Variants in PCDHGB3 observed in about 807,000 individuals in gnomAD.
PCDHGB3 encodes the protein protocadherin gamma-B3.
PCDHGB3 carries 40 observed loss-of-function variants against 59.2 expected under a neutral mutation model. The ratio of observed to expected loss-of-function variants is 0.68; its 90% CI spans 0.52 to 0.88. The LOEUF is 0.88. PCDHGB3 is among the 40% of genes least tolerant of loss of function. The pLI, the probability that PCDHGB3 is intolerant of heterozygous loss-of-function variation, is 0.00. For missense variants in PCDHGB3, 1,309 were observed against 1,187.9 expected (o/e 1.10, Z -1.50); for synonymous variants, 581 against 503.6 (o/e 1.15, Z -2.06).
In PCDHGB3 at chr5:141,486,172, T is replaced by C; in HGVS notation, c.2416-8635T>C. ...GGGGTTCTCCAGCCATGGAGCAACA[T>C]TGCAGCCTTCGAGTGGATCTGCTGG... On this transcript the variant is annotated intron_variant, in intron 1 of 3. Transcript: ENST00000576222. The surrounding 1 kb of genome is among the most constrained non-coding windows in gnomAD (Gnocchi z 5.0). 3 of 1,614,212 alleles carry C rather than the reference T, an allele frequency of 1.9e-6. No homozygotes were observed. Among genetic ancestry groups the C allele is most frequent in the Admixed American group, 1.7e-5 (1 of 60,036 alleles).
intron 1 of PCDHGB3, among the ~76,000 whole-genome samples, chr5:141,382,034 G>A (rs574726397): frequency 6.6e-5 from 10 of 151,712 alleles, no homozygotes; most frequent in African/African-American, 2.4e-4. Flanking sequence ...TCTCCATGTT[G>A]GTCAGGCTGG....
At position 141,371,806 on chromosome 5, in the gene PCDHGB3, T is replaced by A. The variant is rs773656836; in HGVS notation, c.1412T>A (p.Ile471Asn). The A allele has an allele frequency of 6.2e-7, 1 of 1,613,888 alleles. No individual in the cohort carries two copies. Among genetic ancestry groups the A allele is most frequent in the South Asian group, 1.1e-5 (1 of 91,086 alleles). Residue 471 changes from isoleucine to asparagine, a missense_variant, in exon 1 of 4, where the codon ATT (isoleucine) becomes AAT (asparagine). Transcript: ENST00000576222. ...GAGAACAATCCGCCTGGAGCCTCCA[T>A]TGCGCATGTCAGAGCCTCGGATCCC... ...VAENNPPGAS[I>N]AHVRASDPDL...
rs771858105 is a variant in PCDHGB3 at position 141,428,074 on chromosome 5, G to A, written c.2415+55265G>A. 4.4e-6 allele frequency: 7 copies of A among 1,609,112 alleles called. No homozygotes were observed. The African/African-American group carries it at 5.3e-5, about 12-fold the overall frequency. On this transcript the variant is annotated intron_variant, in intron 1 of 3. Transcript: ENST00000576222. The stretch of plus-strand genomic sequence containing the variant: ...GTGGTGGCGGTGGACGCAGATTCGG[G>A]ACACAACGCTTGGCTGTCCTACCAC...
intron 1 of PCDHGB3, chr5:141,410,343 G>A (rs890241182): frequency 6.2e-7 from 1 of 1,613,964 alleles, no homozygotes; most frequent in Non-Finnish European, 8.5e-7. Flanking sequence ...ATTGCCTTGC[G>A]CCTGCGACGC....
chr5:141,422,197 G>C, intron 1 of PCDHGB3: 1 of 1,562,284 alleles, frequency 6.4e-7, no homozygotes, highest in Non-Finnish European at 8.6e-7. Flanking sequence ...TCAAGGCCAA[G>C]ATGGTGGAGG....
chr5:141,385,097 C>T (rs1296944219), intron 1 of PCDHGB3: 3 of 1,614,192 alleles, frequency 1.9e-6, no homozygotes, highest in East Asian at 2.2e-5. Context: ...GGTGGCTTGG[C>T]GAACGTGCCC....
chr5:141,381,890 T>C (rs1471901059), intron 1 of PCDHGB3, among the ~76,000 whole-genome samples: 1 of 139,844 alleles, frequency 7.2e-6, no homozygotes, highest in African/African-American at 2.7e-5. Context: ...AGTGCAATGG[T>C]GTGATCTCGG....
At chr5:141,423,006 T>G (rs746057587) in intron 1 of PCDHGB3, 12 of 1,614,078 alleles carry the variant, frequency 7.4e-6, no homozygotes, top group African/African-American at 1.3e-5. Context: ...CCAAGGTGGT[T>G]GCGGTGGACA....
chr5:141,391,681 T>TC (rs2092407596), intron 1 of PCDHGB3: 4 of 152,210 alleles, frequency 2.6e-5, no homozygotes, highest in Admixed American at 2.6e-4. Context: ...TGAAATAAGT[T>TC]CATCTGCTAC....
intron 2 of PCDHGB3, among the ~76,000 whole-genome samples, chr5:141,499,317 A>G (rs532848559): frequency 7.9e-5 from 12 of 152,354 alleles, no homozygotes; most frequent in Admixed American, 1.3e-4. Context: ...GAGAGACAGT[A>G]TCCCTGCTCT....
intron 1 of PCDHGB3, chr5:141,415,772 T>TA (rs763083459): frequency 1.1e-5 from 15 of 1,332,970 alleles, no homozygotes; most frequent in Non-Finnish European, 1.3e-5. Flanking sequence ...TTTTTTTTTT[T>TA]ACTTTCTGGT....
chr5:141,384,255 C>A (rs1434476229), intron 1 of PCDHGB3: 1 of 1,613,746 alleles, frequency 6.2e-7, no homozygotes, highest in African/African-American at 1.3e-5. Flanking sequence ...CACCCACCTT[C>A]CCCCACTCAT....
intron 1 of PCDHGB3, among the ~76,000 whole-genome samples, chr5:141,407,274 A>G (rs763803896): frequency 2.0e-5 from 3 of 152,232 alleles, no homozygotes; most frequent in Non-Finnish European, 2.9e-5. Context: ...GCAACAAGAA[A>G]ATTGTTACAA....
chr5:141,384,704 C>T (rs1191674511), intron 1 of PCDHGB3: 2 of 1,614,004 alleles, frequency 1.2e-6, no homozygotes, highest in African/African-American at 2.7e-5. Flanking sequence ...GGCCAGAACG[C>T]CTGGCTGTCA....
Position 141,511,267 on chromosome 5 carries a change from C to T in PCDHGB3, c.*94C>T, listed in dbSNP as rs1223074819. 1.3e-6 allele frequency: 2 copies of T among 1,549,404 alleles called. No homozygotes were observed. Among genetic ancestry groups the T allele is most frequent in the Non-Finnish European group, 1.7e-6 (2 of 1,146,836 alleles). On this transcript the variant is annotated 3_prime_UTR_variant, in exon 4 of 4. Transcript: ENST00000576222. ...CCAGGCCTCAGAGTTTCAGGGCTAA[C>T]CCCCAGAATACTGGTAGGGGCCAAG...
chr5:141,437,693 C>G (rs1305650032), intron 1 of PCDHGB3, among the ~76,000 whole-genome samples: 1 of 151,638 alleles, frequency 6.6e-6, no homozygotes, highest in African/African-American at 2.4e-5. Context: ...GAGGCTAAAT[C>G]TCAAGAAAGA....
At chr5:141,394,871 T>A in intron 1 of PCDHGB3, 1 of 1,613,814 alleles carries the variant, frequency 6.2e-7, no homozygotes, top group Non-Finnish European at 8.5e-7. Flanking sequence ...ACCCGAACGA[T>A]TCGAGCCTTA....
chr5:141,476,455 G>C lies in PCDHGB3; in HGVS notation c.2416-18352G>C, dbSNP rs572682842. On this transcript the variant is annotated intron_variant, in intron 1 of 3. Transcript: ENST00000576222. The surrounding 1 kb of genome is among the most constrained non-coding windows in gnomAD (Gnocchi z 7.6). ...CTGTAACTCTGGAGTTGGTAGTGGA[G>C]AACCCGCTGGAGCTGTTCAGCGTGG... 22 of 1,614,152 alleles carry C rather than the reference G, an allele frequency of 1.4e-5. No homozygotes were observed. In the South Asian group the frequency reaches 2.4e-4, roughly 18 times the overall value.
At chr5:141,451,673 G>A (rs912482749) in intron 1 of PCDHGB3, among the ~76,000 whole-genome samples, 4 of 152,164 alleles carry the variant, frequency 2.6e-5, no homozygotes, top group African/African-American at 7.2e-5. Context: ...CTTGAGCCCA[G>A]GAGTTCAAGA....
Sources: allele counts gnomAD v4.1 joint callset (sites outside exome capture counted in the v4.1 genomes callset), GRCh38; gene constraint gnomAD v4.1.1; non-coding constraint Gnocchi (gnomAD v3.1); transcripts MANE v1.5; gene names NCBI Gene and HGNC (gene_info 2026-07-23, HGNC 2026-07-21).